Variants in DNM3 observed in about 807,000 individuals in gnomAD.
The protein encoded by DNM3 is dynamin-3.
DNM3 carries 47 observed loss-of-function variants against 101.6 expected under a neutral mutation model. That is an observed-to-expected ratio of 0.46 (90% confidence interval 0.37 to 0.59). The LOEUF (loss-of-function observed/expected upper bound fraction) is 0.59. Ranked by LOEUF, DNM3 falls within the 20% of genes least tolerant of loss-of-function variation. DNM3 has a pLI of 0.00. For synonymous variants in DNM3, 385 were observed against 387.9 expected (o/e 0.99, Z 0.09); for missense variants, 849 against 1,085.7 (o/e 0.78, Z 3.06).
chr1:172,305,227 A>G (rs1041864328), intron 15 of DNM3, among the ~76,000 whole-genome samples: 10 of 152,234 alleles, frequency 6.6e-5, no homozygotes, highest in African/African-American at 2.2e-4. Context: ...CAGAAATACA[A>G]ACTACCACCA....
At chr1:172,346,137 A>G (rs868777089) in intron 17 of DNM3, among the ~76,000 whole-genome samples, 1 of 151,842 alleles carries the variant, frequency 6.6e-6, no homozygotes, top group Non-Finnish European at 1.5e-5. Flanking sequence ...AAAAAAAAAA[A>G]AAAAAGAAAG....
intron 17 of DNM3, among the ~76,000 whole-genome samples, chr1:172,332,159 G>A (rs976857669): frequency 6.6e-6 from 1 of 152,158 alleles, no homozygotes; most frequent in African/African-American, 2.4e-5. Context: ...GAGATGCCTA[G>A]TACACATGAG....
chr1:172,292,632 C>A (rs932013916), intron 15 of DNM3, among the ~76,000 whole-genome samples: 1 of 151,238 alleles, frequency 6.6e-6, no homozygotes, highest in African/African-American at 2.4e-5. Context: ...CACGCGCGTG[C>A]GTATATTCCT....
chr1:172,154,979 G>T (rs566126158), intron 14 of DNM3, among the ~76,000 whole-genome samples: 65 of 151,976 alleles, frequency 4.3e-4, no homozygotes, highest in Non-Finnish European at 7.7e-4. Context: ...TATATGAAAA[G>T]GTATATGAGT....
At chr1:171,847,939 G>T (rs2032417910) in intron 1 of DNM3, among the ~76,000 whole-genome samples, 1 of 129,426 alleles carries the variant, frequency 7.7e-6, no homozygotes, top group Admixed American at 7.5e-5. Context: ...TGTGATCATA[G>T]GTAGCTTAGC....
chr1:171,959,522 T>A (rs1158180007), intron 2 of DNM3, among the ~76,000 whole-genome samples: 1 of 152,136 alleles, frequency 6.6e-6, no homozygotes, highest in African/African-American at 2.4e-5. Flanking sequence ...AAATCTAGGC[T>A]ACATATGCAG....
chr1:172,056,699 C>A (rs990052131), intron 10 of DNM3, among the ~76,000 whole-genome samples: 3 of 151,548 alleles, frequency 2.0e-5, no homozygotes, highest in Non-Finnish European at 3.0e-5. Flanking sequence ...CTGTACATCA[C>A]CATCATCAAA....
chr1:172,281,406 C>T (rs1040249683), intron 15 of DNM3, among the ~76,000 whole-genome samples: 1 of 151,902 alleles, frequency 6.6e-6, no homozygotes, highest in African/African-American at 2.4e-5. Flanking sequence ...TGAGAGTAAC[C>T]AGGAAAATCC....
At position 172,410,028 on chromosome 1, in the gene DNM3, T is replaced by C. The variant is rs367846769; in HGVS notation, c.*2187T>C. ...GTCATCTTTGGCACTTGCTTTTAGA[T>C]TATAGTCCCACAGTTGCACTGCCCC... is the stretch of plus-strand genomic sequence containing the variant. On this transcript the variant is annotated 3_prime_UTR_variant, in exon 21 of 21. Transcript: ENST00000627582. 2 of 985,696 alleles carry C rather than the reference T, an allele frequency of 2.0e-6. No individual in the cohort carries two copies. Among genetic ancestry groups the C allele is most frequent in the South Asian group, 4.7e-5 (1 of 21,290 alleles). The allele number at this position is 985,696 out of a possible 1,614,324, so 61.1% of individuals were successfully genotyped here.
At chr1:172,211,100 G>A (rs1435273405) in intron 14 of DNM3, among the ~76,000 whole-genome samples, 1 of 151,988 alleles carries the variant, frequency 6.6e-6, no homozygotes, top group Admixed American at 6.6e-5. Context: ...ATTCCTTTTG[G>A]TGATTTCAGT....
intron 15 of DNM3, among the ~76,000 whole-genome samples, chr1:172,268,166 A>G (rs1478425997): frequency 6.6e-6 from 1 of 152,152 alleles, no homozygotes; most frequent in Non-Finnish European, 1.5e-5. Flanking sequence ...ATTGATTGTG[A>G]CTGCACAAGA....
intron 14 of DNM3, among the ~76,000 whole-genome samples, chr1:172,171,452 G>C (rs2058957269): frequency 6.6e-6 from 1 of 151,752 alleles, no homozygotes; most frequent in Non-Finnish European, 1.5e-5. Flanking sequence ...ATAAGAATGA[G>C]TTCCTCTGAG....
chr1:171,942,201 A>AT (rs71561599), intron 2 of DNM3, among the ~76,000 whole-genome samples: 7,457 of 103,468 alleles, frequency 0.072, 807 homozygotes, highest in African/African-American at 0.23. Context: ...TGCTCACTTG[A>AT]TTTTTTTTTT....
At chr1:172,264,399 T>C (rs1485094267) in intron 15 of DNM3, among the ~76,000 whole-genome samples, 3 of 152,240 alleles carry the variant, frequency 2.0e-5, no homozygotes, top group Non-Finnish European at 2.9e-5. Context: ...CATGATTCTA[T>C]CAACTATTCT....
rs140087796 is a variant in DNM3, at chr1:172,227,271, GATATAT to G, written c.1660-26273_1660-26268del. Among the ~76,000 whole-genome samples, 374 of 78,024 alleles carry G rather than the reference GATATAT, an allele frequency of 4.8e-3. 7 individuals carry two copies. Among genetic ancestry groups the G allele is most frequent in the East Asian group, 9.5e-3 (27 of 2,838 alleles). The allele number at this position is 78,024 out of a possible 152,430, so 51.2% of individuals were successfully genotyped here. A position where few individuals can be genotyped will look rare whatever the true frequency, so the allele number is the denominator to read the frequency against. ...TTTTAATGGCTGGATAGTATTTTGT[GATATAT>G]ATATATATATATATATATATATATA... On this transcript the variant is annotated intron_variant, in intron 14 of 20. Coordinates refer to ENST00000627582, the MANE Select transcript of DNM3 (RefSeq NM_015569.5).
chr1:172,282,998 T>G (rs2148791764), intron 15 of DNM3, among the ~76,000 whole-genome samples: 1 of 152,324 alleles, frequency 6.6e-6, no homozygotes, highest in South Asian at 2.1e-4. Flanking sequence ...ACTCCAGAAC[T>G]TCTTCCTTTC....
At chr1:172,312,807 A>G (rs1411155604) in intron 16 of DNM3, among the ~76,000 whole-genome samples, 1 of 152,222 alleles carries the variant, frequency 6.6e-6, no homozygotes, top group Non-Finnish European at 1.5e-5. Flanking sequence ...CTACAATATG[A>G]TAAGATCTAC....
chr1:172,292,628 CGT>C lies in DNM3; in HGVS notation c.1770-16098_1770-16097del, dbSNP rs1399334180. ...ACACACACACACACACACACACGCG[CGT>C]GCGTATATTCCTTACACGCAACTAT... On this transcript the variant is annotated intron_variant, in intron 15 of 20. Transcript: ENST00000627582. Among the ~76,000 whole-genome samples, 443 of 149,256 alleles carry C rather than the reference CGT, an allele frequency of 3.0e-3. 1 individual carries two copies. The highest frequency in any genetic ancestry group is 5.8e-3 in the Non-Finnish European group (388 of 67,220).
intron 10 of DNM3, among the ~76,000 whole-genome samples, chr1:172,067,507 C>T (rs1198327708): frequency 6.6e-6 from 1 of 152,102 alleles, no homozygotes; most frequent in African/African-American, 2.4e-5. Context: ...TCAGTTTCTG[C>T]ACGGACTTTC....
Sources: gnomAD v4.1 joint callset for allele counts (sites outside exome capture counted in the v4.1 genomes callset) on GRCh38, gnomAD v4.1.1 for gene constraint, MANE v1.5 for transcripts, NCBI Gene and HGNC (gene_info 2026-07-23, HGNC 2026-07-21) for gene names.